EML6: variants seen among roughly 807,000 people sequenced by gnomAD.
EML6 encodes the protein echinoderm microtubule-associated protein-like 6.
In EML6, 154 loss-of-function variants were observed where a neutral mutation model predicts 240.1. That is an observed-to-expected ratio of 0.64 (90% CI 0.56 to 0.73). The LOEUF is 0.73. Ranked by LOEUF, EML6 falls within the 30% of genes least tolerant of loss-of-function variation. The pLI is 0.00. For synonymous variants in EML6, 1,148 were observed against 899.0 expected (o/e 1.28, Z -4.95); for missense variants, 2,964 against 2,474.6 (o/e 1.20, Z -4.20).
At chr2:54,967,869 A>T (rs746102206) in intron 39 of EML6, among the ~76,000 whole-genome samples, 17 of 152,002 alleles carry the variant, frequency 1.1e-4, no homozygotes, top group Non-Finnish European at 2.1e-4. Context: ...TAGGGTTCGC[A>T]CTCCTATGAG....
intron 2 of EML6, among the ~76,000 whole-genome samples, chr2:54,792,440 A>G (rs1669503845): frequency 6.6e-6 from 1 of 152,244 alleles, no homozygotes; most frequent in Non-Finnish European, 1.5e-5. Context: ...ATGCCCCTGC[A>G]ATCTCACTCC....
intron 4 of EML6, among the ~76,000 whole-genome samples, chr2:54,819,928 A>C (rs1333893200): frequency 6.6e-6 from 1 of 152,164 alleles, no homozygotes; most frequent in African/African-American, 2.4e-5. Context: ...TACGTTTAGG[A>C]ATATTAACTT....
At chr2:54,871,967 A>T (rs903876037) in intron 16 of EML6, among the ~76,000 whole-genome samples, 11 of 152,218 alleles carry the variant, frequency 7.2e-5, no homozygotes, top group Non-Finnish European at 1.3e-4. Flanking sequence ...TCTGGCAGTG[A>T]CTCAGAACAT....
intron 7 of EML6, among the ~76,000 whole-genome samples, chr2:54,839,078 TG>T (rs777971643): frequency 6.6e-6 from 1 of 152,330 alleles, no homozygotes; most frequent in Non-Finnish European, 1.5e-5. Context: ...TCAGCCCAGC[TG>T]GGACATCATG....
In EML6 at chr2:54,903,011, G is replaced by T. The variant is rs1200519393; in HGVS notation, c.3125-33G>T. On this transcript the variant is annotated intron_variant, in intron 22 of 41. Coordinates refer to ENST00000356458, the MANE Select transcript of EML6 (RefSeq NM_001039753.4). The stretch of plus-strand genomic sequence containing the variant: ...TGGTTTGCTTGACAGTGAAGTTTTG[G>T]ATAATAAGTGTTTTTTGTGGATTCT... The T allele has an allele frequency of 2.6e-6, 4 of 1,544,170 alleles. No individual in the cohort carries two copies. In the African/African-American group the frequency reaches 5.5e-5, roughly 21 times the overall value.
intron 16 of EML6, among the ~76,000 whole-genome samples, chr2:54,878,797 GATATA>G (rs1279045506): frequency 6.6e-6 from 1 of 152,114 alleles, no homozygotes; most frequent in Non-Finnish European, 1.5e-5. Context: ...AAATGTTCAT[GATATA>G]ATAGATGAAG....
intron 5 of EML6, among the ~76,000 whole-genome samples, chr2:54,821,278 C>T (rs970916810): frequency 6.6e-6 from 1 of 152,064 alleles, no homozygotes; most frequent in Non-Finnish European, 1.5e-5. Flanking sequence ...ACGATCCTTC[C>T]CATTAGTCTT....
intron 2 of EML6, among the ~76,000 whole-genome samples, chr2:54,737,426 G>A (rs1287892779): frequency 6.6e-6 from 1 of 152,182 alleles, no homozygotes; most frequent in Non-Finnish European, 1.5e-5. Context: ...AGCCTTCTGA[G>A]TAGCTGGGAT....
At chr2:54,923,402 C>G (rs963620555) in intron 26 of EML6, among the ~76,000 whole-genome samples, 3 of 141,492 alleles carry the variant, frequency 2.1e-5, no homozygotes, top group African/African-American at 5.3e-5. Context: ...CACACACACA[C>G]ACAATGGTAA....
At chr2:54,858,094 G>A (rs946430387) in intron 11 of EML6, among the ~76,000 whole-genome samples, 9 of 152,210 alleles carry the variant, frequency 5.9e-5, no homozygotes, top group African/African-American at 9.6e-5. Context: ...CTCTCATGAG[G>A]TTGCAGTCAT....
At chr2:54,902,999 A>G (rs1421395980) in intron 22 of EML6, 45 bp from the exon 23 acceptor site, 1 of 1,529,746 alleles carries the variant, frequency 6.5e-7, no homozygotes, top group South Asian at 1.2e-5. Context: ...TTTGCTTGAC[A>G]GTGAAGTTTT....
At chr2:54,731,919 C>G (rs1335115562) in intron 2 of EML6, among the ~76,000 whole-genome samples, 1 of 152,162 alleles carries the variant, frequency 6.6e-6, no homozygotes, top group African/African-American at 2.4e-5. Context: ...TTTAGCATCC[C>G]ACCAGCAATG....
At chr2:54,784,505 A>T (rs1668992146) in intron 2 of EML6, among the ~76,000 whole-genome samples, 1 of 152,216 alleles carries the variant, frequency 6.6e-6, no homozygotes, top group Admixed American at 6.5e-5. Context: ...GGTGTTACAC[A>T]TCTGACCCTC....
intron 21 of EML6, among the ~76,000 whole-genome samples, chr2:54,896,194 A>G (rs1672758155): frequency 6.6e-6 from 1 of 152,274 alleles, no homozygotes; most frequent in Admixed American, 6.5e-5. Flanking sequence ...CAAAGTCCAG[A>G]ATCTCATTAT....
At chr2:54,781,382 T>C (rs1668849263) in intron 2 of EML6, among the ~76,000 whole-genome samples, 1 of 152,206 alleles carries the variant, frequency 6.6e-6, no homozygotes, top group Admixed American at 6.5e-5. Flanking sequence ...AGCTGATGGC[T>C]GTGGAATGGG....
At position 54,774,432 on chromosome 2, in the gene EML6, T is replaced by C. The variant is rs1668516673; in HGVS notation, c.198-38800T>C. Among the ~76,000 whole-genome samples, 1 of 152,166 alleles carries C rather than the reference T, an allele frequency of 6.6e-6. No homozygotes were observed. The highest frequency in any genetic ancestry group is 1.5e-5 in the Non-Finnish European group (1 of 68,008). ...AGCCGTTGGAAGTTGAGGTGATCCC[T>C]GAAGAGCCTGACAGACAGAGGCCTT... is the stretch of plus-strand genomic sequence containing the variant. On this transcript the variant is annotated intron_variant, in intron 2 of 41. Coordinates refer to ENST00000356458, the MANE Select transcript of EML6 (RefSeq NM_001039753.4). This position sits in a 1 kb window ranked among gnomAD's most constrained non-coding sequence, Gnocchi z 4.1.
intron 2 of EML6, among the ~76,000 whole-genome samples, chr2:54,775,295 CT>C (rs1006284844): frequency 6.6e-5 from 10 of 152,250 alleles, no homozygotes; most frequent in African/African-American, 2.2e-4. Context: ...CTAGCCACTT[CT>C]CTGACCCCAT....
chr2:54,819,020 T>A (rs1307568719), intron 4 of EML6, among the ~76,000 whole-genome samples: 1 of 152,178 alleles, frequency 6.6e-6, no homozygotes, highest in Non-Finnish European at 1.5e-5. Flanking sequence ...TAACAAAACT[T>A]GAGGTGGTAT....
At chr2:54,876,023 A>G (rs1247991815) in intron 16 of EML6, among the ~76,000 whole-genome samples, 1 of 152,180 alleles carries the variant, frequency 6.6e-6, no homozygotes, top group Non-Finnish European at 1.5e-5. Context: ...TCTGAATAAA[A>G]CTTTGTCTAA....
Sources: gnomAD v4.1 joint callset for allele counts (sites outside exome capture counted in the v4.1 genomes callset) on GRCh38, gnomAD v4.1.1 for gene constraint, Gnocchi (gnomAD v3.1) non-coding constraint, MANE v1.5 for transcripts, NCBI Gene and HGNC (gene_info 2026-07-23, HGNC 2026-07-21) for gene names.